The following ACYP2 variants were observed in gnomAD, a reference collection of about 807,000 sequenced individuals.
ACYP2 encodes acylphosphatase 2.
A neutral mutation model predicts 11.2 loss-of-function variants in ACYP2; 12 were observed. The ratio of observed to expected loss-of-function variants is 1.08; its 90% CI spans 0.69 to 1.74. The LOEUF (loss-of-function observed/expected upper bound fraction) is 1.74. ACYP2 is among the 40% of genes most tolerant of loss of function. The probability of loss-of-function intolerance (pLI) is 0.00; values close to 1 mark genes in which losing one functional copy is unlikely to be tolerated. For missense variants in ACYP2, 134 were observed against 101.9 expected, an observed-to-expected ratio of 1.31 and a Z score of -1.35; for synonymous variants, 43 against 32.2, an observed-to-expected ratio of 1.33 and a Z score of -1.13.
At chr2:54,010,031 C>T (rs1673275929) in intron 2 of ACYP2, among the ~76,000 whole-genome samples, 1 of 152,104 alleles carries the variant, frequency 6.6e-6, no homozygotes, top group African/African-American at 2.4e-5. Flanking sequence ...AGAACAAATA[C>T]CAGGTTCAGT....
intron 4 of ACYP2, chr2:54,123,466 G>T (rs1037452331): frequency 1.0e-5 from 4 of 398,368 alleles, no homozygotes. Flanking sequence ...TGTGTGTGTG[G>T]CATTAACAAA....
At chr2:54,171,013 A>G (rs1683200010) in intron 6 of ACYP2, among the ~76,000 whole-genome samples, 1 of 152,094 alleles carries the variant, frequency 6.6e-6, no homozygotes, top group Non-Finnish European at 1.5e-5. Context: ...GGAGGCTATC[A>G]AGACTATCGG....
chr2:54,233,988 T>G (rs551269729), intron 6 of ACYP2, among the ~76,000 whole-genome samples: 1 of 152,168 alleles, frequency 6.6e-6, no homozygotes, highest in African/African-American at 2.4e-5. Flanking sequence ...TTTTTCACAT[T>G]AGTAACTGAA....
intron 2 of ACYP2, among the ~76,000 whole-genome samples, chr2:53,978,877 C>T (rs376861550): frequency 2.0e-5 from 3 of 151,970 alleles, no homozygotes; most frequent in East Asian, 1.9e-4. Flanking sequence ...GAGCTGAGAT[C>T]GTGCCACTGC....
chr2:54,274,742 A>C (rs1688473417), intron 6 of ACYP2, among the ~76,000 whole-genome samples: 1 of 152,056 alleles, frequency 6.6e-6, no homozygotes, highest in South Asian at 2.1e-4. Context: ...ATTTTCCCTA[A>C]GTTTTTATAT....
At chr2:54,256,229 C>T (rs1455467528) in intron 6 of ACYP2, 5 of 1,497,312 alleles carry the variant, frequency 3.3e-6, no homozygotes, top group South Asian at 2.7e-5. Context: ...CACAAAATGG[C>T]GAGTAAACAC....
chr2:54,223,652 C>T (rs1685889683), intron 6 of ACYP2, among the ~76,000 whole-genome samples: 1 of 152,114 alleles, frequency 6.6e-6, no homozygotes, highest in Admixed American at 6.5e-5. Context: ...GCAAATTTGC[C>T]ACTAAAATCT....
intron 2 of ACYP2, among the ~76,000 whole-genome samples, chr2:54,039,286 T>TC (rs1428448161): frequency 6.6e-6 from 1 of 151,796 alleles, no homozygotes; most frequent in Non-Finnish European, 1.5e-5. Context: ...TCTCTTTTTT[T>TC]CTTTTTCCTT....
At chr2:54,166,965 C>T (rs1338042746) in intron 6 of ACYP2, 1 of 151,586 alleles carries the variant, frequency 6.6e-6, no homozygotes. Flanking sequence ...CCAGTGAAAA[C>T]CAGAAAACCT....
chr2:54,209,967 C>A (rs2103928007), intron 6 of ACYP2, among the ~76,000 whole-genome samples: 1 of 151,970 alleles, frequency 6.6e-6, no homozygotes, highest in South Asian at 2.1e-4. Flanking sequence ...ATGGCGAAAC[C>A]CCGTCTCTAC....
chr2:54,039,147 C>A (rs1022608206), intron 2 of ACYP2, among the ~76,000 whole-genome samples: 12 of 149,826 alleles, frequency 8.0e-5, no homozygotes, highest in African/African-American at 2.9e-4. Context: ...AGAGAATGGG[C>A]AGTGAGCAGA....
intron 2 of ACYP2, among the ~76,000 whole-genome samples, chr2:53,990,966 T>G (rs961521186): frequency 1.3e-5 from 2 of 152,000 alleles, no homozygotes; most frequent in African/African-American, 4.8e-5. Context: ...CCGGCTAATT[T>G]TTTATATTTT....
intron 6 of ACYP2, among the ~76,000 whole-genome samples, chr2:54,267,616 G>C (rs1236501583): frequency 6.6e-6 from 1 of 152,188 alleles, no homozygotes; most frequent in Admixed American, 6.5e-5. Flanking sequence ...TGGAAAATGA[G>C]ACAGGAATTA....
At position 54,254,837 on chromosome 2, in the gene ACYP2, C is replaced by T. The variant is rs532440162; in HGVS notation, c.405-49851C>T. 6.8e-5 allele frequency: 93 copies of T among 1,366,424 alleles called. 1 individual carries two copies. In the South Asian group the frequency reaches 1.1e-3, roughly 16 times the overall value. 84.6% of individuals were successfully genotyped at this position (1,366,424 alleles called of 1,614,324 possible). A position where few individuals can be genotyped will look rare whatever the true frequency, so the allele number is the denominator to read the frequency against. On this transcript the variant is annotated intron_variant, in intron 6 of 6. Transcript: ENST00000607452. ...AAGTCAGAACAAAAAAAGTAAAGGG[C>T]ATACCTAATGCTGTTGCCCAAGCTC...
In ACYP2 at chr2:54,016,621, C is replaced by G. The variant is rs549850147; in HGVS notation, c.63-34337C>G. ...TCTCTGTCTTAGTCTGTTTGTGCTG[C>G]TATTTAAAAACACCACAGACTGGGT... On this transcript the variant is annotated intron_variant, in intron 2 of 6. Coordinates refer to ENST00000607452, the MANE Select transcript of ACYP2 (RefSeq NM_001320586.2). Among the ~76,000 whole-genome samples, 7 of 152,076 alleles carry G rather than the reference C, an allele frequency of 4.6e-5. No homozygotes were observed. In the East Asian group the frequency reaches 1.4e-3, roughly 29 times the overall value.
intron 4 of ACYP2, among the ~76,000 whole-genome samples, chr2:54,115,170 G>A: frequency 6.6e-6 from 1 of 152,168 alleles, no homozygotes; most frequent in Non-Finnish European, 1.5e-5. Flanking sequence ...AAATTGATGA[G>A]AGTAGATCTT....
At chr2:53,973,157 G>C (rs72799283) in intron 1 of ACYP2, among the ~76,000 whole-genome samples, 4,508 of 152,276 alleles carry the variant, frequency 0.03, 96 homozygotes, top group Admixed American at 0.057. Flanking sequence ...CAAATGAAGT[G>C]AAACCTGAAA....
intron 6 of ACYP2, among the ~76,000 whole-genome samples, chr2:54,207,308 T>C (rs762000307): frequency 2.6e-5 from 4 of 151,904 alleles, no homozygotes; most frequent in South Asian, 2.1e-4. Flanking sequence ...AGAGTTGATA[T>C]TGTAGTCTTG....
chr2:54,115,909 C>T (rs561294827), intron 4 of ACYP2, among the ~76,000 whole-genome samples, 153 bp downstream of exon 1: 3 of 144,434 alleles, frequency 2.1e-5, no homozygotes, highest in South Asian at 2.1e-4. Flanking sequence ...GGGAGGGAGG[C>T]GAAACGCGCA....
Sources: gnomAD v4.1 joint callset for allele counts (sites outside exome capture counted in the v4.1 genomes callset) on GRCh38, gnomAD v4.1.1 for gene constraint, MANE v1.5 for transcripts, NCBI Gene and HGNC (gene_info 2026-07-23, HGNC 2026-07-21) for gene names.